The following MGST1 variants were observed in gnomAD, a reference collection of about 807,000 sequenced individuals.
MGST1 encodes the protein glutathione S-transferase 12.
Under a neutral mutation model 8.9 loss-of-function variants are expected in MGST1, and 5 were observed. The ratio of observed to expected loss-of-function variants is 0.56; its 90% CI spans 0.29 to 1.19. The LOEUF is 1.19. Among genes scored for constraint, MGST1 ranks in the 50% most tolerant of loss-of-function variants. The pLI, the probability that MGST1 is intolerant of heterozygous loss-of-function variation, is 0.08. For missense variants in MGST1, 182 were observed against 187.4 expected, an observed-to-expected ratio of 0.97 and a Z score of 0.17; for synonymous variants, 54 against 67.8, an observed-to-expected ratio of 0.80 and a Z score of 1.00.
At chr12:16,520,234 A>G (rs1454682913) in intron 4 of MGST1, among the ~76,000 whole-genome samples, 1 of 152,180 alleles carries the variant, frequency 6.6e-6, no homozygotes, top group South Asian at 2.1e-4. Context: ...TGTGACACAT[A>G]AGAAATTAAA....
At position 16,503,001 on chromosome 12, in the gene MGST1, G is replaced by A. The variant is rs1008866982; in HGVS notation, n.483-86527G>A. 1.3e-5 allele frequency among the ~76,000 whole-genome samples: 2 copies of A among 152,226 alleles called. No individual in the cohort carries two copies. Among genetic ancestry groups the A allele is most frequent in the African/African-American group, 4.8e-5 (2 of 41,460 alleles). On this transcript the variant is annotated intron_variant and non_coding_transcript_variant, in intron 4 of 4. Transcript: ENST00000538857. This position sits in a 1 kb window ranked among gnomAD's most constrained non-coding sequence, Gnocchi z 4.8. ...CCACTGGTGTTAGCTCTAGGATTTT[G>A]AGGTAGAGCAGTATGACATTAGGAG...
intron 1 of MGST1, among the ~76,000 whole-genome samples, chr12:16,414,362 T>A (rs1352187092): frequency 6.7e-6 from 1 of 149,674 alleles, no homozygotes; most frequent in African/African-American, 2.4e-5. Flanking sequence ...GATTTCTTTT[T>A]TTTTTTTTTT....
At chr12:16,459,483 C>A (rs893640745) in intron 4 of MGST1, among the ~76,000 whole-genome samples, 1 of 152,146 alleles carries the variant, frequency 6.6e-6, no homozygotes, top group African/African-American at 2.4e-5. Flanking sequence ...AGATGATAAT[C>A]TCCTTTAAGT....
rs1331527139 is a variant in MGST1 at position 16,347,936 on chromosome 12, G to C, written c.-23+226G>C. On this transcript the variant is annotated intron_variant, in intron 1 of 3. Coordinates refer to ENST00000396210, the MANE Select transcript of MGST1 (RefSeq NM_020300.5). The surrounding 1 kb of genome is among the most constrained non-coding windows in gnomAD (Gnocchi z 4.0). The stretch of plus-strand genomic sequence containing the variant: ...ATTTCTCAAACTCCAGGAATGAAAC[G>C]AGAGAGTCTTTTCATGCTTGAGTGA... The C allele has an allele frequency of 6.6e-6, 1 of 152,202 alleles. No homozygotes were observed. Among genetic ancestry groups the C allele is most frequent in the Non-Finnish European group, 1.5e-5 (1 of 68,040 alleles). The allele number at this position is 152,202 out of a possible 1,614,324, so 9.4% of individuals were successfully genotyped here. A position where few individuals can be genotyped will look rare whatever the true frequency, so the allele number is the denominator to read the frequency against.
At chr12:16,391,059 G>C (rs1402855570) in intron 1 of MGST1, among the ~76,000 whole-genome samples, 1 of 151,860 alleles carries the variant, frequency 6.6e-6, no homozygotes, top group Non-Finnish European at 1.5e-5. Context: ...CTAATGATCA[G>C]TGATATTGAA....
At chr12:16,579,705 A>G (rs1407942795) in intron 4 of MGST1, among the ~76,000 whole-genome samples, 1 of 152,184 alleles carries the variant, frequency 6.6e-6, no homozygotes, top group Non-Finnish European at 1.5e-5. Flanking sequence ...ACTCAGTAAG[A>G]ATTCAGAAAA....
intron 4 of MGST1, among the ~76,000 whole-genome samples, chr12:16,525,540 T>C (rs1457271407): frequency 1.4e-5 from 2 of 146,346 alleles, no homozygotes; most frequent in Admixed American, 6.8e-5. Context: ...ATCCAGTCTA[T>C]CATTGTTGGA....
rs1157157720 is a variant in MGST1 at position 16,413,367 on chromosome 12, G to A, written n.779-24021G>A. On this transcript the variant is annotated intron_variant and non_coding_transcript_variant, in intron 1 of 1. Coordinates refer to the MGST1 transcript ENST00000359720. The surrounding 1 kb of genome is among the most constrained non-coding windows in gnomAD (Gnocchi z 4.0). ...TGTCCATGAATCCTGCAGCAAAAAA[G>A]ACATCTGTTCATCCCGCAAGATTTT... Among the ~76,000 whole-genome samples, 1 of 152,156 alleles carries A rather than the reference G, an allele frequency of 6.6e-6. No homozygotes were observed. The highest frequency in any genetic ancestry group is 1.5e-5 in the Non-Finnish European group (1 of 68,030).
At chr12:16,521,782 A>G (rs1232784405) in intron 4 of MGST1, among the ~76,000 whole-genome samples, 1 of 152,176 alleles carries the variant, frequency 6.6e-6, no homozygotes, top group Non-Finnish European at 1.5e-5. Context: ...TAGCACTCCA[A>G]AGAAAGAAAA....
intron 3 of MGST1, chr12:16,360,374 T>C (rs1211852674): frequency 1.0e-6 from 1 of 985,234 alleles, no homozygotes; most frequent in East Asian, 1.1e-4. Context: ...GTGAAAAGTA[T>C]GCTTTACCGT....
At chr12:16,556,027 G>A (rs1942176373) in intron 4 of MGST1, among the ~76,000 whole-genome samples, 1 of 151,924 alleles carries the variant, frequency 6.6e-6, no homozygotes, top group African/African-American at 2.4e-5. Context: ...CTCTCCCGTA[G>A]CTCCGGACAC....
chr12:16,439,009 G>A (rs1941014786), downstream of MGST1, among the ~76,000 whole-genome samples: 2 of 151,646 alleles, frequency 1.3e-5, no homozygotes, highest in Non-Finnish European at 2.9e-5. Context: ...CCTGTCAAAT[G>A]TATAGCTCAA....
intron 1 of MGST1, among the ~76,000 whole-genome samples, chr12:16,393,772 T>C (rs1022983106): frequency 6.6e-6 from 1 of 152,232 alleles, no homozygotes; most frequent in African/African-American, 2.4e-5. Flanking sequence ...AGGTATCTGC[T>C]ACACTTCAAC....
rs528402534 is a variant in MGST1, at chr12:16,584,468, G to T, written n.483-5060G>T. On this transcript the variant is annotated intron_variant and non_coding_transcript_variant, in intron 4 of 4. Transcript: ENST00000538857. This position sits in a 1 kb window ranked among gnomAD's most constrained non-coding sequence, Gnocchi z 5.2. The stretch of plus-strand genomic sequence containing the variant: ...CAAAAGTTATTGACAAGGACATGAG[G>T]TTTCTGGAGGACCCAGTGGAAAAGT... 7.2e-4 allele frequency among the ~76,000 whole-genome samples: 110 copies of T among 152,288 alleles called. No individual in the cohort carries two copies. Among genetic ancestry groups the T allele is most frequent in the African/African-American group, 2.5e-3 (105 of 41,560 alleles).
rs7313819 is a variant in MGST1, at chr12:16,503,976, G to A, written n.483-85552G>A. Among the ~76,000 whole-genome samples, 149,439 of 152,230 alleles carry A rather than the reference G, an allele frequency of 0.98. 73,424 individuals carry two copies. Among genetic ancestry groups the A allele is most frequent in the East Asian group, 1 (5,158 of 5,158 alleles). ...TGCTGCTGCCCTATGCTGCTGCTTC[G>A]ATAAAAGGTGTTGTCTAACACTTCC... On this transcript the variant is annotated intron_variant and non_coding_transcript_variant, in intron 4 of 4. Coordinates refer to the MGST1 transcript ENST00000538857. This position sits in a 1 kb window ranked among gnomAD's most constrained non-coding sequence, Gnocchi z 4.8.
At chr12:16,524,080 A>T (rs1405237332) in intron 4 of MGST1, among the ~76,000 whole-genome samples, 1 of 152,100 alleles carries the variant, frequency 6.6e-6, no homozygotes, top group Non-Finnish European at 1.5e-5. Flanking sequence ...TCAGACTTTA[A>T]GTTGCTATTA....
intron 4 of MGST1, among the ~76,000 whole-genome samples, chr12:16,557,887 T>C (rs1942252599): frequency 6.6e-6 from 1 of 152,084 alleles, no homozygotes; most frequent in African/African-American, 2.4e-5. Context: ...CTCTTCTCAC[T>C]ATAAATGTCA....
chr12:16,443,764 C>T (rs908680549), intron 4 of MGST1, among the ~76,000 whole-genome samples: 1 of 151,788 alleles, frequency 6.6e-6, no homozygotes, highest in African/African-American at 2.4e-5. Flanking sequence ...TTGTCCATTC[C>T]AGGGTACTTT....
Position 16,513,597 on chromosome 12 carries a change from C to T in MGST1, n.483-75931C>T. On this transcript the variant is annotated intron_variant and non_coding_transcript_variant, in intron 4 of 4. Coordinates refer to the MGST1 transcript ENST00000538857. This position sits in a 1 kb window ranked among gnomAD's most constrained non-coding sequence, Gnocchi z 4.2. The stretch of plus-strand genomic sequence containing the variant: ...ATCTGGGAGTTAGTGCCTACAGGGA[C>T]CACAACGGAAAGCCTTACAGCATCC... 2.0e-6 allele frequency: 1 copy of T among 494,488 alleles called. No individual in the cohort carries two copies. The highest frequency in any genetic ancestry group is 1.5e-5 in the South Asian group (1 of 65,732). 30.6% of individuals were successfully genotyped at this position (494,488 alleles called of 1,614,324 possible).
Sources: allele counts gnomAD v4.1 joint callset (sites outside exome capture counted in the v4.1 genomes callset), GRCh38; gene constraint gnomAD v4.1.1; non-coding constraint Gnocchi (gnomAD v3.1); transcripts MANE v1.5; gene names NCBI Gene and HGNC (gene_info 2026-07-23, HGNC 2026-07-21).